The following WDR55 variants were observed in gnomAD, a reference collection of about 807,000 sequenced individuals.
WDR55 encodes the protein WD repeat domain 55, also known as WD repeat-containing protein 55.
Under a neutral mutation model 34.0 loss-of-function variants are expected in WDR55, and 31 were observed. The observed-to-expected ratio is 0.91, with a 90% confidence interval of 0.69 to 1.23. The LOEUF (loss-of-function observed/expected upper bound fraction) is 1.23. Ranked by LOEUF, WDR55 falls within the 50% of genes most tolerant of loss-of-function variation. The pLI is 0.00. For missense variants in WDR55, 440 were observed against 494.6 expected (o/e 0.89, Z 1.05); for synonymous variants, 164 against 185.9 (o/e 0.88, Z 0.96).
At position 140,669,538 on chromosome 5, in the gene WDR55, C is replaced by T. The variant is rs372366237; in HGVS notation, c.1036C>T (p.Arg346Trp). The T allele has an allele frequency of 5.5e-5, 89 of 1,613,902 alleles. No homozygotes were observed. Among genetic ancestry groups the T allele is most frequent in the Non-Finnish European group, 6.9e-5 (82 of 1,179,966 alleles). Reference protein sequence around the residue: ...RRRKKKGGPLRALSSKTWSTD... With the variant: ...RRRKKKGGPLWALSSKTWSTD... ...GCGCAAAAAAAAGGGAGGACCACTG[C>T]GGGCTCTGAGCAGCAAGACTTGGAG... Residue 346 changes from arginine to tryptophan, a missense_variant, in exon 7 of 7, where the codon CGG becomes TGG. Transcript: ENST00000358337.
At chr5:140,666,673 C>T in intron 1 of WDR55, 2 of 984,018 alleles carry the variant, frequency 2.0e-6, no homozygotes, top group Non-Finnish European at 2.4e-6. Flanking sequence ...TTTGACCTTG[C>T]CTCACAGAGA....
At chr5:140,666,188 G>A (rs1757918864) in intron 1 of WDR55, among the ~76,000 whole-genome samples, 1 of 152,010 alleles carries the variant, frequency 6.6e-6, no homozygotes, top group Non-Finnish European at 1.5e-5. Flanking sequence ...CTGAGGTCAG[G>A]AGTTGGAGAC....
chr5:140,671,814 G>T lies in WDR55; in HGVS notation c.*2160G>T. ...CTGGGCCCAAGCCTCCAGGTGGTGAGCCCTTTGGAGCTACACAGTCCTGTT... is the reference window on the plus strand; with the variant it reads ...CTGGGCCCAAGCCTCCAGGTGGTGATCCCTTTGGAGCTACACAGTCCTGTT... On this transcript the variant is annotated 3_prime_UTR_variant, in exon 7 of 7. Coordinates refer to ENST00000358337, the MANE Select transcript of WDR55 (RefSeq NM_017706.5). 2 of 1,502,364 alleles carry T rather than the reference G, an allele frequency of 1.3e-6. No homozygotes were observed. The highest frequency in any genetic ancestry group is 1.8e-6 in the Non-Finnish European group (2 of 1,102,976). The allele number at this position is 1,502,364 out of a possible 1,614,324, so 93.1% of individuals were successfully genotyped here. A position where few individuals can be genotyped will look rare whatever the true frequency, so the allele number is the denominator to read the frequency against.
In WDR55 at chr5:140,671,339, A is replaced by G; in HGVS notation, c.*1685A>G. ...TGCCTCAGCCCCAGCAGACCACAGGAGGTTGGCCCCAGACTCACTGAGTGC... is the reference window on the plus strand; with the variant it reads ...TGCCTCAGCCCCAGCAGACCACAGGGGGTTGGCCCCAGACTCACTGAGTGC... On this transcript the variant is annotated 3_prime_UTR_variant, in exon 7 of 7. Coordinates refer to ENST00000358337, the MANE Select transcript of WDR55 (RefSeq NM_017706.5). 6.2e-7 allele frequency: 1 copy of G among 1,612,866 alleles called. No individual in the cohort carries two copies. Among genetic ancestry groups the G allele is most frequent in the Non-Finnish European group, 8.5e-7 (1 of 1,179,924 alleles).
chr5:140,669,657 G>C lies in WDR55; in HGVS notation c.*3G>C. Reference sequence around the variant, plus strand: ...AGACTGGGGATGACAGTGACTGAAGGAATGAATTGAATCTTGAGACGGGTC... The same window carrying C: ...AGACTGGGGATGACAGTGACTGAAGCAATGAATTGAATCTTGAGACGGGTC... On this transcript the variant is annotated 3_prime_UTR_variant, in exon 7 of 7. Coordinates refer to ENST00000358337, the MANE Select transcript of WDR55 (RefSeq NM_017706.5). 1 of 1,609,086 alleles carries C rather than the reference G, an allele frequency of 6.2e-7. No homozygotes were observed. Among genetic ancestry groups the C allele is most frequent in the Non-Finnish European group, 8.5e-7 (1 of 1,176,842 alleles).
rs374647670 is a variant in WDR55 at position 140,668,923 on chromosome 5, A to G, written c.593A>G (p.Lys198Arg). ...GGCTGCCTTGGCATCTTCAACATTA[A>G]GAGGCGTCGGTTTGAGCTGCTCTCA... Reference protein sequence around the residue: ...GDGCLGIFNIKRRRFELLSEP... With the variant: ...GDGCLGIFNIRRRRFELLSEP... Residue 198 changes from lysine (K) to arginine (R), a missense_variant, in exon 5 of 7, where the codon AAG becomes AGG. Coordinates refer to ENST00000358337, the MANE Select transcript of WDR55 (RefSeq NM_017706.5). 3 of 1,614,192 alleles carry G rather than the reference A, an allele frequency of 1.9e-6. No homozygotes were observed. Among genetic ancestry groups the G allele is most frequent in the African/African-American group, 1.3e-5 (1 of 75,042 alleles).
chr5:140,667,080 T>G (rs1757942568), intron 1 of WDR55: 2 of 985,462 alleles, frequency 2.0e-6, no homozygotes, highest in Non-Finnish European at 1.2e-6. Flanking sequence ...GGGACAAGTT[T>G]GCAGTACAGC....
Position 140,671,450 on chromosome 5 carries a change from C to G in WDR55, c.*1796C>G. 6 of 1,611,050 alleles carry G rather than the reference C, an allele frequency of 3.7e-6. No homozygotes were observed. Among genetic ancestry groups the G allele is most frequent in the Non-Finnish European group, 5.1e-6 (6 of 1,179,544 alleles). On this transcript the variant is annotated 3_prime_UTR_variant, in exon 7 of 7. Coordinates refer to ENST00000358337, the MANE Select transcript of WDR55 (RefSeq NM_017706.5). ...GGTCAGCACAACCCAGATGAGGCCGCTGAAGGGCACCGGATGCCCAGGAAT... is the reference window on the plus strand; with the variant it reads ...GGTCAGCACAACCCAGATGAGGCCGGTGAAGGGCACCGGATGCCCAGGAAT...
In WDR55 at chr5:140,668,160, G is replaced by A. The variant is rs116171138; in HGVS notation, c.192-74G>A. ...CTTAGGTAGGTGGGAAGGCTGCTCT[G>A]TCTAGTTGGTCTCTGCACTCAATGC... On this transcript the variant is annotated intron_variant, in intron 1 of 6. Coordinates refer to ENST00000358337, the MANE Select transcript of WDR55 (RefSeq NM_017706.5). The A allele has an allele frequency of 1.2e-3, 1,845 of 1,485,488 alleles. 24 individuals are homozygous for A. In the African/African-American group the frequency reaches 0.023, roughly 19 times the overall value. 92.0% of individuals were successfully genotyped at this position (1,485,488 alleles called of 1,614,324 possible).
Position 140,671,801 on chromosome 5 carries a change from C to A in WDR55, c.*2147C>A. On this transcript the variant is annotated 3_prime_UTR_variant, in exon 7 of 7. Transcript: ENST00000358337. ...GCAGGTCTAAACCCTGGGCCCAAGC[C>A]TCCAGGTGGTGAGCCCTTTGGAGCT... 3 of 1,545,770 alleles carry A rather than the reference C, an allele frequency of 1.9e-6. No homozygotes were observed. The highest frequency in any genetic ancestry group is 2.6e-6 in the Non-Finnish European group (3 of 1,141,888).
chr5:140,668,746 C>T lies in WDR55; in HGVS notation c.515C>T (p.Ala172Val), dbSNP rs757743304. Residue 172 changes from alanine to valine, a missense_variant, in exon 4 of 7, where the codon GCA becomes GTA. Coordinates refer to ENST00000358337, the MANE Select transcript of WDR55 (RefSeq NM_017706.5). ...ATGAGGCAACATGAAGAGTACATCGCAGACATGGCTCTGGATCCAGCCAAA... is the reference window on the plus strand; with the variant it reads ...ATGAGGCAACATGAAGAGTACATCGTAGACATGGCTCTGGATCCAGCCAAA... ...MDMRQHEEYI[A>V]DMALDPAKKL... The T allele has an allele frequency of 1.2e-6, 2 of 1,614,156 alleles. No homozygotes were observed. The highest frequency in any genetic ancestry group is 1.7e-6 in the Non-Finnish European group (2 of 1,180,002).
Position 140,669,249 on chromosome 5 carries a change from G to C in WDR55, c.830+1G>C, listed in dbSNP as rs541397281. 11 of 1,613,590 alleles carry C rather than the reference G, an allele frequency of 6.8e-6. No individual in the cohort carries two copies. The Admixed American group carries it at 1.5e-4, about 22-fold the overall frequency. ...CTGGCTCCACTGATGGAGTCATCAGGTGAGGGAAGCCTGGACAGCCCTTAG... is the reference window on the plus strand; with the variant it reads ...CTGGCTCCACTGATGGAGTCATCAGCTGAGGGAAGCCTGGACAGCCCTTAG... On this transcript the variant is annotated splice_donor_variant, in intron 6 of 6. Coordinates refer to ENST00000358337, the MANE Select transcript of WDR55 (RefSeq NM_017706.5). LOFTEE classifies it high-confidence loss of function.
Position 140,669,764 on chromosome 5 carries a change from A to G in WDR55, c.*110A>G, listed in dbSNP as rs2149813654. The G allele has an allele frequency of 8.4e-7, 1 of 1,187,874 alleles. No individual in the cohort carries two copies. Among genetic ancestry groups the G allele is most frequent in the South Asian group, 1.6e-5 (1 of 62,674 alleles). 73.6% of individuals were successfully genotyped at this position (1,187,874 alleles called of 1,614,324 possible). Reference sequence around the variant, plus strand: ...TTTTTTGAAAAGACAGGGTTTTGCCATCGTCCAGGCTGGAGTGCGCTGGCT... The same window carrying G: ...TTTTTTGAAAAGACAGGGTTTTGCCGTCGTCCAGGCTGGAGTGCGCTGGCT... On this transcript the variant is annotated 3_prime_UTR_variant, in exon 7 of 7. Transcript: ENST00000358337.
intron 1 of WDR55, chr5:140,666,908 A>G (rs1757938292): frequency 2.0e-6 from 2 of 985,316 alleles, no homozygotes; most frequent in African/African-American, 3.5e-5. Flanking sequence ...ATTTTGAACA[A>G]AAGATACAGG....
Position 140,672,223 on chromosome 5 carries a change from T to C in WDR55, c.*2569T>C, listed in dbSNP as rs978032138. On this transcript the variant is annotated 3_prime_UTR_variant, in exon 7 of 7. Coordinates refer to ENST00000358337, the MANE Select transcript of WDR55 (RefSeq NM_017706.5). Reference sequence around the variant, plus strand: ...TTTGCGGTGTGGGGGTGGGGGAAGGTTGAGAATTAAGTCAGGAGGTAATGC... The same window carrying C: ...TTTGCGGTGTGGGGGTGGGGGAAGGCTGAGAATTAAGTCAGGAGGTAATGC... 8.3e-6 allele frequency: 5 copies of C among 600,390 alleles called. No homozygotes were observed. Among genetic ancestry groups the C allele is most frequent in the Admixed American group, 3.0e-5 (1 of 33,380 alleles). 37.2% of individuals were successfully genotyped at this position (600,390 alleles called of 1,614,324 possible). A position where few individuals can be genotyped will look rare whatever the true frequency, so the allele number is the denominator to read the frequency against.
In WDR55 at chr5:140,664,967, C is replaced by T. The variant is rs773282502; in HGVS notation, c.55C>T (p.Pro19Ser). The T allele has an allele frequency of 1.2e-6, 2 of 1,613,206 alleles. No individual in the cohort carries two copies. The highest frequency in any genetic ancestry group is 1.7e-6 in the Non-Finnish European group (2 of 1,179,642). Residue 19 changes from proline (P) to serine (S), a missense_variant, in exon 1 of 7, where the codon CCA (proline) becomes TCA (serine). By Grantham distance (74) the Pro-to-Ser change is moderately conservative. Transcript: ENST00000358337. Reference protein sequence around the residue: ...PAEDGSDEEDPDSMEAPTRIR... With the variant: ...PAEDGSDEEDSDSMEAPTRIR... Reference sequence around the variant, plus strand: ...TGAGGATGGGAGCGACGAGGAGGACCCAGACTCCATGGAAGCCCCAACCCG... The same window carrying T: ...TGAGGATGGGAGCGACGAGGAGGACTCAGACTCCATGGAAGCCCCAACCCG...
intron 1 of WDR55, among the ~76,000 whole-genome samples, chr5:140,665,483 G>T (rs1757897638): frequency 6.6e-6 from 1 of 151,976 alleles, no homozygotes; most frequent in Non-Finnish European, 1.5e-5. Flanking sequence ...TCAGCCTCCC[G>T]AGTAGCTGGG....
chr5:140,666,701 ATATG>A, intron 1 of WDR55: 2 of 985,274 alleles, frequency 2.0e-6, no homozygotes, highest in Non-Finnish European at 2.4e-6. Flanking sequence ...TTTACATTAT[ATATG>A]ATGCTCTGTG....
Position 140,665,050 on chromosome 5 carries a change from C to G in WDR55, c.138C>G (p.Phe46Leu), listed in dbSNP as rs1462371358. 6.2e-7 allele frequency: 1 copy of G among 1,612,892 alleles called. No individual in the cohort carries two copies. The highest frequency in any genetic ancestry group is 8.5e-7 in the Non-Finnish European group (1 of 1,179,244). ...VLEAPASGLA[F>L]HPARDLLAAG... ...AAGCTCCGGCTAGTGGGCTGGCGTT[C>G]CATCCGGCCCGTGACCTACTGGCTG... The change falls in exon 1 of 7, where the codon TTC becomes TTG. Residue 46 changes from phenylalanine to leucine, a missense_variant. Phe to Leu is a conservative substitution (Grantham distance 22). Transcript: ENST00000358337.
Sources: gnomAD v4.1 joint callset for allele counts (sites outside exome capture counted in the v4.1 genomes callset) on GRCh38, gnomAD v4.1.1 for gene constraint, MANE v1.5 for transcripts, NCBI Gene and HGNC (gene_info 2026-07-23, HGNC 2026-07-21) for gene names.